The following CTNNA3 variants were observed in gnomAD, a reference collection of about 807,000 sequenced individuals.
The protein encoded by CTNNA3 is catenin alpha-3.
In CTNNA3, 76 loss-of-function variants were observed where a neutral mutation model predicts 95.7. The ratio of observed to expected loss-of-function variants is 0.79; its 90% CI spans 0.66 to 0.96. The LOEUF is 0.96. Ranked by LOEUF, CTNNA3 falls within the 40% of genes least tolerant of loss-of-function variation. CTNNA3 has a pLI of 0.00. For synonymous variants in CTNNA3, 431 were observed against 374.4 expected, an observed-to-expected ratio of 1.15 and a Z score of -1.74; for missense variants, 1,191 against 1,089.8, an observed-to-expected ratio of 1.09 and a Z score of -1.31.
At chr10:67,423,535 A>T (rs1310839157) in intron 5 of CTNNA3, among the ~76,000 whole-genome samples, 1 of 152,184 alleles carries the variant, frequency 6.6e-6, no homozygotes, top group Non-Finnish European at 1.5e-5. Flanking sequence ...CCGAAGACAA[A>T]GATTTATCTA....
chr10:66,752,389 GTAATAAA>G (rs1163117486), intron 9 of CTNNA3, among the ~76,000 whole-genome samples: 4 of 152,216 alleles, frequency 2.6e-5, no homozygotes, highest in Admixed American at 1.3e-4. Flanking sequence ...ACATCCATAT[GTAATAAA>G]TAAGTAAACT....
intron 5 of CTNNA3, among the ~76,000 whole-genome samples, chr10:67,498,115 G>T (rs1199300130): frequency 1.3e-5 from 2 of 152,150 alleles, no homozygotes; most frequent in African/African-American, 4.8e-5. Context: ...TTTTGTATAA[G>T]GTGTAAGGAA....
At chr10:66,020,725 T>A (rs1463387904) in intron 15 of CTNNA3, among the ~76,000 whole-genome samples, 2 of 147,656 alleles carry the variant, frequency 1.4e-5, no homozygotes, top group East Asian at 4.0e-4. Context: ...TGGAGTGCAA[T>A]GGCACGATCT....
At chr10:66,401,658 CT>C (rs540003137) in intron 11 of CTNNA3, among the ~76,000 whole-genome samples, 3,902 of 116,198 alleles carry the variant, frequency 0.034, 106 homozygotes, top group African/African-American at 0.095. Flanking sequence ...CCATTTCTTT[CT>C]TTTTTTTTTT....
chr10:66,192,500 G>T (rs1012126934), intron 13 of CTNNA3, among the ~76,000 whole-genome samples: 1 of 152,106 alleles, frequency 6.6e-6, no homozygotes, highest in African/African-American at 2.4e-5. Flanking sequence ...GTTCATAATG[G>T]TCTCAGAAGT....
chr10:66,447,163 A>G (rs1430024922), intron 11 of CTNNA3, among the ~76,000 whole-genome samples: 3 of 152,052 alleles, frequency 2.0e-5, no homozygotes, highest in African/African-American at 7.2e-5. Flanking sequence ...CCACTGCTCA[A>G]TGAAATAAAA....
intron 12 of CTNNA3, among the ~76,000 whole-genome samples, chr10:66,353,987 A>T (rs2092587399): frequency 6.6e-6 from 1 of 152,126 alleles, no homozygotes. Flanking sequence ...CATTTGTAAA[A>T]ATTCCGTGAA....
intron 5 of CTNNA3, among the ~76,000 whole-genome samples, chr10:67,353,901 A>G (rs2132651502): frequency 6.6e-6 from 1 of 151,994 alleles, no homozygotes; most frequent in East Asian, 1.9e-4. Flanking sequence ...ACTGCCACCA[A>G]TGAAGCTGCA....
rs1379551332 is a variant in CTNNA3, at chr10:67,180,410, T to C, written c.954A>G (p.Ser318=). 6.2e-7 allele frequency: 1 copy of C among 1,613,846 alleles called. No individual in the cohort carries two copies. Among genetic ancestry groups the C allele is most frequent in the Non-Finnish European group, 8.5e-7 (1 of 1,179,874 alleles). The change falls in exon 7 of 18, where the codon TCA becomes TCG. Residue 318 remains serine, a synonymous_variant. Transcript: ENST00000433211. The part of the protein sequence containing the change: ...ISGAALLADS[S]CTRDLHRERI... Reference sequence around the variant, plus strand: ...GCTCTCGGTGTAAGTCCCTCGTACATGAAGAATCCGCCAGCAGAGCAGCCC... The same window carrying C: ...GCTCTCGGTGTAAGTCCCTCGTACACGAAGAATCCGCCAGCAGAGCAGCCC...
intron 7 of CTNNA3, among the ~76,000 whole-genome samples, chr10:67,086,119 G>A (rs1241772257): frequency 6.6e-6 from 1 of 152,032 alleles, no homozygotes; most frequent in Non-Finnish European, 1.5e-5. Context: ...TGAGTGGATA[G>A]ATGGATAGAT....
intron 5 of CTNNA3, among the ~76,000 whole-genome samples, chr10:67,262,139 AAGAG>A (rs1352168009): frequency 6.6e-6 from 1 of 152,176 alleles, no homozygotes; most frequent in Non-Finnish European, 1.5e-5. Context: ...GGAAAAGAGA[AAGAG>A]AGAAGAGAAA....
intron 7 of CTNNA3, among the ~76,000 whole-genome samples, chr10:67,055,902 T>G (rs1855399838): frequency 6.6e-6 from 1 of 152,148 alleles, no homozygotes; most frequent in South Asian, 2.1e-4. Flanking sequence ...AGTTATTGAC[T>G]GGGAATTCTG....
intron 10 of CTNNA3, among the ~76,000 whole-genome samples, chr10:66,618,470 C>T (rs1273886738): frequency 2.0e-5 from 3 of 152,116 alleles, no homozygotes; most frequent in African/African-American, 7.2e-5. Context: ...AAAGGATTCC[C>T]TTTTAATAAA....
chr10:66,170,764 G>C (rs1018203897), intron 13 of CTNNA3, among the ~76,000 whole-genome samples: 1 of 151,976 alleles, frequency 6.6e-6, no homozygotes, highest in Non-Finnish European at 1.5e-5. Flanking sequence ...AAAAGTGAAG[G>C]GTATGTAGTT....
intron 7 of CTNNA3, among the ~76,000 whole-genome samples, chr10:67,051,501 C>G (rs532026371): frequency 6.7e-6 from 1 of 150,326 alleles, no homozygotes; most frequent in Non-Finnish European, 1.5e-5. Flanking sequence ...ACCCTGTCAC[C>G]GAGGCTGGAG....
intron 7 of CTNNA3, among the ~76,000 whole-genome samples, chr10:66,887,086 G>A (rs1156380064): frequency 6.6e-6 from 1 of 152,142 alleles, no homozygotes; most frequent in East Asian, 1.9e-4. Context: ...GGTGATGGAT[G>A]TCTGTGGAGT....
intron 10 of CTNNA3, among the ~76,000 whole-genome samples, chr10:66,593,363 C>G (rs1346493788): frequency 6.6e-6 from 1 of 152,152 alleles, no homozygotes. Context: ...GCTCCCCAGA[C>G]TCTCTACTAG....
At chr10:66,090,974 G>A (rs921530186) in intron 14 of CTNNA3, among the ~76,000 whole-genome samples, 3 of 151,896 alleles carry the variant, frequency 2.0e-5, no homozygotes, top group African/African-American at 7.2e-5. Flanking sequence ...ATATTAGAAA[G>A]CACGTAAAAG....
intron 12 of CTNNA3, among the ~76,000 whole-genome samples, chr10:66,298,850 A>T (rs982291524): frequency 1.3e-5 from 2 of 152,200 alleles, no homozygotes; most frequent in Non-Finnish European, 2.9e-5. Context: ...CATTTACAAC[A>T]TATGAAACCT....
Sources: gnomAD v4.1 joint callset for allele counts (sites outside exome capture counted in the v4.1 genomes callset) on GRCh38, gnomAD v4.1.1 for gene constraint, MANE v1.5 for transcripts, NCBI Gene and HGNC (gene_info 2026-07-23, HGNC 2026-07-21) for gene names.